CNIH3: variants seen among roughly 807,000 people sequenced by gnomAD.
CNIH3 encodes cornichon family AMPA receptor auxiliary protein 3, also known as protein cornichon homolog 3.
Under a neutral mutation model 24.1 loss-of-function variants are expected in CNIH3, and 14 were observed. The observed-to-expected ratio is 0.58, with a 90% CI of 0.38 to 0.91. The LOEUF is 0.91. Among genes scored for constraint, CNIH3 ranks in the 40% least tolerant of loss-of-function variants. CNIH3 has a pLI of 0.00. For missense variants in CNIH3, 178 were observed against 196.8 expected (o/e 0.90, Z 0.57); for synonymous variants, 68 against 73.8 (o/e 0.92, Z 0.40).
intron 1 of CNIH3, among the ~76,000 whole-genome samples, chr1:224,678,805 A>G (rs1371513537): frequency 2.0e-5 from 3 of 152,134 alleles, no homozygotes; most frequent in African/African-American, 4.8e-5. Flanking sequence ...TTAATTAATT[A>G]AAAGTTTAAG....
Position 224,617,064 on chromosome 1 carries a change from C to T in CNIH3, c.-111C>T. Reference sequence around the variant, plus strand: ...GCTGTGCGCCCTCCTGGGCACTAGCCTGGAGAGGAGCGTGCAGACGCGGCT... The same window carrying T: ...GCTGTGCGCCCTCCTGGGCACTAGCTTGGAGAGGAGCGTGCAGACGCGGCT... On this transcript the variant is annotated 5_prime_UTR_variant, in exon 1 of 6. Transcript: ENST00000272133. 6.6e-7 allele frequency: 1 copy of T among 1,521,206 alleles called. No homozygotes were observed. The highest frequency in any genetic ancestry group is 8.8e-7 in the Non-Finnish European group (1 of 1,142,826). 94.2% of individuals were successfully genotyped at this position (1,521,206 alleles called of 1,614,324 possible).
chr1:224,675,506 A>G (rs1686093474), intron 1 of CNIH3, among the ~76,000 whole-genome samples: 1 of 152,230 alleles, frequency 6.6e-6, no homozygotes, highest in Non-Finnish European at 1.5e-5. Flanking sequence ...TTGCTCTGAG[A>G]AGCATACTGT....
At chr1:224,482,387 C>T (rs1336530956) in intron 1 of CNIH3, among the ~76,000 whole-genome samples, 1 of 152,078 alleles carries the variant, frequency 6.6e-6, no homozygotes, top group African/African-American at 2.4e-5. Flanking sequence ...ACCCAAGGCC[C>T]TCAGTATGTA....
intron 1 of CNIH3, among the ~76,000 whole-genome samples, chr1:224,505,032 C>CCCTTCCTCCCTCCCTCCCTT (rs1677847926): frequency 2.2e-4 from 10 of 45,822 alleles, no homozygotes; most frequent in African/African-American, 1.0e-3. Flanking sequence ...CTCCCTCCCT[C>CCCTTCCTCCCTCCCTCCCTT]CCTTCCTTCC....
At chr1:224,574,796 A>AT in intron 4 of CNIH3, 3 of 1,002,430 alleles carry the variant, frequency 3.0e-6, no homozygotes, top group Admixed American at 3.4e-5. Flanking sequence ...CTGGGAAGGA[A>AT]TTTTTCCCAT....
intron 1 of CNIH3, among the ~76,000 whole-genome samples, chr1:224,446,243 T>C (rs926631529): frequency 1.3e-5 from 2 of 151,002 alleles, no homozygotes; most frequent in Non-Finnish European, 3.0e-5. Flanking sequence ...CAGTATTGTC[T>C]TGGCTATTCT....
In CNIH3 at chr1:224,434,831, A is replaced by G. The variant is rs1042300425; in HGVS notation, n.172A>G. On this transcript the variant is annotated non_coding_transcript_exon_variant, in exon 1 of 6. Transcript: ENST00000471578. Reference sequence around the variant, plus strand: ...GGCGCTCGCGTCACAGGAAATGCCTATACTGCCCTCCTCACTCACTTCCGG... The same window carrying G: ...GGCGCTCGCGTCACAGGAAATGCCTGTACTGCCCTCCTCACTCACTTCCGG... 2.5e-5 allele frequency: 25 copies of G among 985,684 alleles called. No homozygotes were observed. In the South Asian group the frequency reaches 3.7e-4, roughly 15 times the overall value. 61.1% of individuals were successfully genotyped at this position (985,684 alleles called of 1,614,324 possible).
intron 1 of CNIH3, chr1:224,435,179 G>A: frequency 1.0e-6 from 1 of 986,460 alleles, no homozygotes; most frequent in Non-Finnish European, 1.2e-6. Context: ...TCTCCATCAG[G>A]TGCAGAAGGT....
At chr1:224,654,079 T>TA (rs758675940) in intron 1 of CNIH3, among the ~76,000 whole-genome samples, 6,146 of 139,082 alleles carry the variant, frequency 0.044, 134 homozygotes, top group East Asian at 0.091. Context: ...AGACCCTGTT[T>TA]AAAAAAAAAA....
intron 1 of CNIH3, among the ~76,000 whole-genome samples, chr1:224,634,573 C>CA (rs907406125): frequency 3.5e-4 from 39 of 110,918 alleles, no homozygotes; most frequent in Middle Eastern, 4.0e-3. Flanking sequence ...ACTCTGTCTC[C>CA]AAAAAAAAAA....
intron 1 of CNIH3, among the ~76,000 whole-genome samples, chr1:224,508,405 T>G (rs1457664824): frequency 6.6e-6 from 1 of 152,212 alleles, no homozygotes; most frequent in African/African-American, 2.4e-5. Context: ...ATACTGTATT[T>G]GTCTGTGTCT....
chr1:224,657,546 G>A (rs1475454571), intron 1 of CNIH3, among the ~76,000 whole-genome samples: 2 of 151,980 alleles, frequency 1.3e-5, no homozygotes, highest in African/African-American at 2.4e-5. Context: ...AAAAACAATC[G>A]GCAATATTTC....
chr1:224,541,261 T>C (rs1679500865), downstream of CNIH3, among the ~76,000 whole-genome samples: 1 of 152,186 alleles, frequency 6.6e-6, no homozygotes, highest in Non-Finnish European at 1.5e-5. Flanking sequence ...TTGGGCCCTT[T>C]CCAGGACTTT....
chr1:224,664,769 C>G (rs1189934621), intron 1 of CNIH3: 1 of 152,202 alleles, frequency 6.6e-6, no homozygotes, highest in East Asian at 1.9e-4. Context: ...AGGTCTCACT[C>G]TGTCGCCCAA....
intron 1 of CNIH3, among the ~76,000 whole-genome samples, chr1:224,459,544 G>A (rs150927568): frequency 2.6e-5 from 4 of 152,114 alleles, no homozygotes; most frequent in Non-Finnish European, 5.9e-5. Context: ...CTTTGTACAC[G>A]GAATAAAATA....
At chr1:224,525,379 C>T (rs1678805127) in intron 2 of CNIH3, among the ~76,000 whole-genome samples, 1 of 152,210 alleles carries the variant, frequency 6.6e-6, no homozygotes, top group Non-Finnish European at 1.5e-5. Context: ...CATTTCCTTG[C>T]TTTGGCATCC....
intron 1 of CNIH3, among the ~76,000 whole-genome samples, chr1:224,617,947 T>C (rs1006928277): frequency 2.6e-5 from 4 of 152,174 alleles, no homozygotes; most frequent in Non-Finnish European, 5.9e-5. Flanking sequence ...GTCCGACTCC[T>C]GAAGACCCCC....
At chr1:224,621,334 G>A (rs945370798) in intron 1 of CNIH3, among the ~76,000 whole-genome samples, 2 of 152,208 alleles carry the variant, frequency 1.3e-5, no homozygotes, top group African/African-American at 2.4e-5. Flanking sequence ...TCAGCCTCTG[G>A]AAGTCTAGTA....
chr1:224,601,170 T>A (rs1026945552), intron 3 of CNIH3, among the ~76,000 whole-genome samples: 1 of 152,164 alleles, frequency 6.6e-6, no homozygotes, highest in Non-Finnish European at 1.5e-5. Context: ...ACCTTTGACT[T>A]GGGGTTCTAT....
Sources: gnomAD v4.1 joint callset for allele counts (sites outside exome capture counted in the v4.1 genomes callset) on GRCh38, gnomAD v4.1.1 for gene constraint, MANE v1.5 for transcripts, NCBI Gene and HGNC (gene_info 2026-07-23, HGNC 2026-07-21) for gene names.